The following PCDHA8 variants were observed in gnomAD, a reference collection of about 807,000 sequenced individuals.
PCDHA8 encodes protocadherin alpha-8.
Under a neutral mutation model 61.8 loss-of-function variants are expected in PCDHA8, and 53 were observed. The observed-to-expected ratio is 0.86, with a 90% CI of 0.69 to 1.08. The LOEUF (loss-of-function observed/expected upper bound fraction) is 1.08, where lower values mean the gene tolerates loss of function less well. Ranked by LOEUF, PCDHA8 falls within the 50% of genes least tolerant of loss-of-function variation. The pLI is 0.00. For synonymous variants in PCDHA8, 618 were observed against 556.6 expected, an observed-to-expected ratio of 1.11 and a Z score of -1.55; for missense variants, 1,293 against 1,245.0, an observed-to-expected ratio of 1.04 and a Z score of -0.58.
At chr5:140,968,355 G>A in intron 1 of PCDHA8, 1 of 1,614,080 alleles carries the variant, frequency 6.2e-7, no homozygotes, top group South Asian at 1.1e-5. Context: ...GCCAGTGGCA[G>A]CCTTTATGCT....
At chr5:140,902,905 G>A (rs933013740) in intron 1 of PCDHA8, among the ~76,000 whole-genome samples, 3 of 152,174 alleles carry the variant, frequency 2.0e-5, no homozygotes, top group Admixed American at 6.5e-5. Flanking sequence ...TTTAGTTTAT[G>A]GCTGAGTAGT....
chr5:140,982,722 T>G, intron 3 of PCDHA8, 159 bp downstream of exon 3: 1 of 913,304 alleles, frequency 1.1e-6, no homozygotes, highest in African/African-American at 1.8e-5. Flanking sequence ...TATGATTATT[T>G]TGATTTTATA....
rs1781368180 is a variant in PCDHA8 at position 140,848,199 on chromosome 5, A to G, written c.2394+4484A>G. 9.4e-6 allele frequency: 3 copies of G among 318,910 alleles called. No individual in the cohort carries two copies. In the East Asian group the frequency reaches 1.6e-4, roughly 17 times the overall value. The allele number at this position is 318,910 out of a possible 1,614,324, so 19.8% of individuals were successfully genotyped here. ...GAGAAACGGGATCTTCTGTTTCAAC[A>G]ATCATTACTTAAGAAAAAATTAAGA... On this transcript the variant is annotated intron_variant, in intron 1 of 3. Transcript: ENST00000531613.
At chr5:140,895,949 T>C (rs1413820088) in intron 1 of PCDHA8, among the ~76,000 whole-genome samples, 1 of 152,256 alleles carries the variant, frequency 6.6e-6, no homozygotes, top group East Asian at 1.9e-4. Context: ...TAGCTGGGAT[T>C]ACAGGTGCCT....
At chr5:140,935,894 C>CT (rs55841305) in intron 1 of PCDHA8, among the ~76,000 whole-genome samples, 11,084 of 136,696 alleles carry the variant, frequency 0.081, 520 homozygotes, top group Middle Eastern at 0.14. Context: ...TCAATATTAT[C>CT]TTTTTTTTTT....
chr5:140,892,417 G>A lies in PCDHA8; in HGVS notation c.2394+48702G>A, dbSNP rs78605430. 5.2e-3 allele frequency among the ~76,000 whole-genome samples: 785 copies of A among 152,216 alleles called. 8 individuals are homozygous for A. Among genetic ancestry groups the A allele is most frequent in the Non-Finnish European group, 8.7e-3 (594 of 68,002 alleles). ...TCTATTTCAAGCTTCAGGTATTCTA[G>A]ATAAAACCTCATTATCTAAAATTTA... On this transcript the variant is annotated intron_variant, in intron 1 of 3. Transcript: ENST00000531613.
chr5:140,859,677 A>G (rs942745951), intron 1 of PCDHA8: 1 of 154,782 alleles, frequency 6.5e-6, no homozygotes, highest in South Asian at 2.0e-4. Context: ...GCTTCAAATA[A>G]AATTAAAATT....
intron 1 of PCDHA8, chr5:140,877,601 T>A (rs2057236715): frequency 6.2e-7 from 1 of 1,613,744 alleles, no homozygotes; most frequent in Non-Finnish European, 8.5e-7. Flanking sequence ...GTGTCCAGCC[T>A]GCTGGTGCTC....
intron 1 of PCDHA8, chr5:140,967,436 C>T (rs781894469): frequency 6.2e-7 from 1 of 1,613,496 alleles, no homozygotes; most frequent in Non-Finnish European, 8.5e-7. Context: ...AGCCTTGCAC[C>T]ACCTGGTTCT....
chr5:140,969,536 C>A, intron 1 of PCDHA8: 1 of 1,332,634 alleles, frequency 7.5e-7, no homozygotes, highest in South Asian at 1.6e-5. Flanking sequence ...TTTTCATTTT[C>A]AGAGGCATGA....
rs1554150153 is a variant in PCDHA8 at position 140,857,511 on chromosome 5, T to C, written c.2394+13796T>C. 5 of 1,598,148 alleles carry C rather than the reference T, an allele frequency of 3.1e-6. No homozygotes were observed. In the South Asian group the frequency reaches 5.5e-5, roughly 18 times the overall value. On this transcript the variant is annotated intron_variant, in intron 1 of 3. Transcript: ENST00000531613. ...GACGCGGACGCGCAGGAGAACGCCC[T>C]GGTGTCCTACTCTCTGGTGGAGCGG...
chr5:140,862,832 C>A (rs1554157076), intron 1 of PCDHA8: 1 of 572,198 alleles, frequency 1.7e-6, no homozygotes, highest in South Asian at 1.4e-5. Context: ...GCGCGCGACG[C>A]GGGCATGCCG....
intron 1 of PCDHA8, chr5:140,884,640 A>G: frequency 6.2e-7 from 1 of 1,610,250 alleles, no homozygotes; most frequent in East Asian, 2.2e-5. Context: ...CAGAGGGAGG[A>G]GGACTCAGAA....
At position 140,970,091 on chromosome 5, in the gene PCDHA8, G is replaced by A. The variant is rs542039822; in HGVS notation, c.2395-8858G>A. ...AATGAGTGGATTAGGGGTGTGGGGG[G>A]ATGGTGAAGACCAAGAGAAGCTGGG... On this transcript the variant is annotated intron_variant, in intron 1 of 3. Coordinates refer to ENST00000531613, the MANE Select transcript of PCDHA8 (RefSeq NM_018911.3). 3.9e-4 allele frequency among the ~76,000 whole-genome samples: 59 copies of A among 152,258 alleles called. 1 individual carries two copies. Among genetic ancestry groups the A allele is most frequent in the Admixed American group, 1.1e-3 (17 of 15,292 alleles).
intron 1 of PCDHA8, chr5:140,929,005 A>G: frequency 6.2e-7 from 1 of 1,614,062 alleles, no homozygotes; most frequent in Non-Finnish European, 8.5e-7. Context: ...CTTCGTGTGT[A>G]CCAAGTTGCA....
chr5:140,877,409 G>C lies in PCDHA8; in HGVS notation c.2394+33694G>C, dbSNP rs782157769. The C allele has an allele frequency of 8.1e-6, 13 of 1,613,802 alleles. No homozygotes were observed. The highest frequency in any genetic ancestry group is 1.0e-5 in the Non-Finnish European group (12 of 1,179,880). Reference sequence around the variant, plus strand: ...GATGAGGCGGACGCTCCGCGCCACCGCCTGCTGGTGCTGGTGAAGGACCAC... The same window carrying C: ...GATGAGGCGGACGCTCCGCGCCACCCCCTGCTGGTGCTGGTGAAGGACCAC... On this transcript the variant is annotated intron_variant, in intron 1 of 3. Transcript: ENST00000531613.
In PCDHA8 at chr5:140,982,463, G is replaced by A. The variant is rs781833977; in HGVS notation, c.2454-12G>A. 1 of 1,614,060 alleles carries A rather than the reference G, an allele frequency of 6.2e-7. No individual in the cohort carries two copies. The highest frequency in any genetic ancestry group is 1.3e-5 in the African/African-American group (1 of 74,928). On this transcript the variant is annotated splice_polypyrimidine_tract_variant and intron_variant, in intron 2 of 3. Coordinates refer to ENST00000531613, the MANE Select transcript of PCDHA8 (RefSeq NM_018911.3). ...TGATCTAACCGTTATCTGGGTCTGT[G>A]TGTTTATTCAGCTCTGTGCACCTAG...
At chr5:140,849,658 C>T in intron 1 of PCDHA8, 1 of 1,598,720 alleles carries the variant, frequency 6.3e-7, no homozygotes, top group African/African-American at 1.3e-5. Flanking sequence ...GTTACCTGCT[C>T]CCTGACGCCC....
intron 1 of PCDHA8, among the ~76,000 whole-genome samples, chr5:140,903,731 T>C (rs1554191096): frequency 6.6e-6 from 1 of 152,238 alleles, no homozygotes; most frequent in South Asian, 2.1e-4. Context: ...CTATTATCAA[T>C]TATTACAGAA....
Sources: allele counts gnomAD v4.1 joint callset (sites outside exome capture counted in the v4.1 genomes callset), GRCh38; gene constraint gnomAD v4.1.1; transcripts MANE v1.5; gene names NCBI Gene and HGNC (gene_info 2026-07-23, HGNC 2026-07-21).